The following HERC6 variants were observed in gnomAD, a reference collection of about 807,000 sequenced individuals.
HERC6 encodes the protein HECT and RLD domain containing E3 ubiquitin protein ligase family member 6.
Under a neutral mutation model 114.5 loss-of-function variants are expected in HERC6, and 101 were observed. The ratio of observed to expected loss-of-function variants is 0.88; its 90% CI spans 0.75 to 1.04. HERC6 has a LOEUF of 1.04. HERC6 is among the 50% of genes least tolerant of loss of function. HERC6 has a pLI of 0.00. For synonymous variants in HERC6, 408 were observed against 436.2 expected (o/e 0.94, Z 0.81); for missense variants, 1,133 against 1,230.9 (o/e 0.92, Z 1.19).
chr4:88,381,720 G>A (rs1734334783), intron 1 of HERC6, among the ~76,000 whole-genome samples: 1 of 151,952 alleles, frequency 6.6e-6, no homozygotes, highest in Admixed American at 6.6e-5. Flanking sequence ...ACCATGCCCA[G>A]CTAATTTTTA....
chr4:88,437,071 TA>T, intron 19 of HERC6, 100 bp downstream of exon 19: 5 of 820,822 alleles, frequency 6.1e-6, no homozygotes, highest in East Asian at 3.0e-5. Flanking sequence ...TTTTTTTTTT[TA>T]TTGAGGCAGA....
intron 13 of HERC6, among the ~76,000 whole-genome samples, 179 bp downstream of exon 13, chr4:88,417,758 A>G (rs1736631687): frequency 6.6e-6 from 1 of 152,152 alleles, no homozygotes. Context: ...AAGTTGAGAA[A>G]CTTTAGGAGG....
chr4:88,432,944 C>T (rs1037905106), intron 17 of HERC6, among the ~76,000 whole-genome samples: 13 of 151,496 alleles, frequency 8.6e-5, no homozygotes, highest in African/African-American at 2.4e-4. Context: ...AAAAATTAGC[C>T]GGGTGTGGTG....
At chr4:88,379,829 AAT>A (rs1382738043) in intron 1 of HERC6, among the ~76,000 whole-genome samples, 2 of 76,830 alleles carry the variant, frequency 2.6e-5, no homozygotes, top group Non-Finnish European at 4.5e-5. Flanking sequence ...ATAACATATA[AAT>A]ATATATAATA....
At chr4:88,387,226 G>C (rs1400770392) in intron 3 of HERC6, among the ~76,000 whole-genome samples, 2 of 152,126 alleles carry the variant, frequency 1.3e-5, no homozygotes, top group Non-Finnish European at 2.9e-5. Context: ...GTGAGATCCT[G>C]TCTCTACAAA....
chr4:88,404,748 C>A, intron 8 of HERC6, 128 bp from the exon 9 acceptor site: 1 of 1,207,860 alleles, frequency 8.3e-7, no homozygotes, highest in East Asian at 2.7e-5. Flanking sequence ...CGCCAAAGCT[C>A]CTCCCACCAA....
chr4:88,384,678 A>G (rs1734484721), intron 2 of HERC6, among the ~76,000 whole-genome samples: 1 of 152,184 alleles, frequency 6.6e-6, no homozygotes. Context: ...GTTCTACAGC[A>G]TCATAACTAT....
chr4:88,437,060 C>G (rs370590057), intron 19 of HERC6, 89 bp downstream of exon 19: 228 of 758,144 alleles, frequency 3.0e-4, no homozygotes, highest in Admixed American at 5.2e-4. Context: ...TTTGGGATCC[C>G]TTTTTTTTTT....
At position 88,431,197 on chromosome 4, in the gene HERC6, A is replaced by T. The variant is rs1374011558; in HGVS notation, c.2142A>T (p.Gly714=). Residue 714 remains glycine (G), a synonymous_variant, in exon 17 of 23, where the codon GGA becomes GGT. Coordinates refer to ENST00000264346, the MANE Select transcript of HERC6 (RefSeq NM_017912.4). ...TTAATGAAATTTGTCCTGAGTCTGG[A>T]GGGGTTAGTTCAGAGTTCTTCCACT... is the stretch of plus-strand genomic sequence containing the variant. ...EFINEICPES[G]GVSSEFFHCM... 6.2e-7 allele frequency: 1 copy of T among 1,612,832 alleles called. No individual in the cohort carries two copies.
chr4:88,398,210 G>T lies in HERC6; in HGVS notation c.1092+1G>T. 3 of 1,567,292 alleles carry T rather than the reference G, an allele frequency of 1.9e-6. No individual in the cohort carries two copies. Among genetic ancestry groups the T allele is most frequent in the South Asian group, 1.2e-5 (1 of 83,142 alleles). ...TGCCAACTTTGTGACAACTCATCAG[G>T]TATCTATTATACTTTTTGTTCCTCT... On this transcript the variant is annotated splice_donor_variant, in intron 8 of 22. Transcript: ENST00000264346. LOFTEE classifies it high-confidence loss of function.
chr4:88,428,536 A>C, intron 15 of HERC6, 44 bp from the exon 16 acceptor site: 1 of 1,457,594 alleles, frequency 6.9e-7, no homozygotes, highest in Non-Finnish European at 9.2e-7. Flanking sequence ...TGGGATTCCT[A>C]TGAGGTCAAA....
In HERC6 at chr4:88,408,592, C is replaced by T; in HGVS notation, c.1343C>T (p.Thr448Ile). Reference protein sequence around the residue: ...EMARDTFKKLTKKEWISSMIT... With the variant: ...EMARDTFKKLIKKEWISSMIT... ...GCAAGAGATACCTTCAAGAAGTTAA[C>T]AAAAAAGGAATGGATTTCTTCCATG... Residue 448 changes from threonine (T) to isoleucine (I), a missense_variant, in exon 11 of 23, where the codon ACA (threonine) becomes ATA (isoleucine). Around this residue, in one of 3 missense-constraint regions of HERC6, gnomAD observed 735 missense variants for 754.0 expected, o/e 0.97. Coordinates refer to ENST00000264346, the MANE Select transcript of HERC6 (RefSeq NM_017912.4). 1 of 1,588,308 alleles carries T rather than the reference C, an allele frequency of 6.3e-7. No homozygotes were observed. The highest frequency in any genetic ancestry group is 8.6e-7 in the Non-Finnish European group (1 of 1,165,846).
rs776488346 is a variant in HERC6, at chr4:88,395,986, A to T, written c.760-29A>T. On this transcript the variant is annotated intron_variant, in intron 5 of 22. Transcript: ENST00000264346. ...TTTTAGTTACCTTGTTAAACCTGAA[A>T]TTAATTTGATTCTTCCTTTGCTAAG... is the stretch of plus-strand genomic sequence containing the variant. 1.5e-5 allele frequency: 24 copies of T among 1,552,768 alleles called. 1 individual carries two copies. In the Admixed American group the frequency reaches 4.5e-4, roughly 29 times the overall value.
chr4:88,390,918 T>C (rs1265114123), intron 4 of HERC6, 39 bp downstream of exon 4: 9 of 1,531,194 alleles, frequency 5.9e-6, no homozygotes, highest in East Asian at 2.3e-5. Context: ...AATCATTCTT[T>C]CTTTCCAGGT....
chr4:88,382,042 A>G (rs1734352871), intron 1 of HERC6, among the ~76,000 whole-genome samples: 1 of 152,162 alleles, frequency 6.6e-6, no homozygotes, highest in Admixed American at 6.5e-5. Context: ...GAAGGGCAAC[A>G]TGATACTTAA....
intron 15 of HERC6, among the ~76,000 whole-genome samples, chr4:88,426,341 T>C (rs964090706): frequency 2.6e-5 from 4 of 152,112 alleles, no homozygotes; most frequent in Non-Finnish European, 5.9e-5. Flanking sequence ...GCTAATTTTG[T>C]ATTTTTAGTA....
chr4:88,395,994 G>T, intron 5 of HERC6, 21 bp from the exon 6 acceptor site: 2 of 1,557,298 alleles, frequency 1.3e-6, no homozygotes, highest in South Asian at 2.4e-5. Context: ...AAATTAATTT[G>T]ATTCTTCCTT....
chr4:88,388,549 CA>C (rs76168315), intron 3 of HERC6, among the ~76,000 whole-genome samples: 8,981 of 92,198 alleles, frequency 0.097, 591 homozygotes, highest in African/African-American at 0.26. Context: ...AGACTCGTCT[CA>C]AAAAAAAAAA....
intron 3 of HERC6, among the ~76,000 whole-genome samples, chr4:88,388,161 G>A (rs917793558): frequency 1.6e-4 from 25 of 151,932 alleles, no homozygotes; most frequent in Admixed American, 1.4e-3. Flanking sequence ...GGCTGGGTGC[G>A]GTGGCTCACG....
Sources: gnomAD v4.1 joint callset for allele counts (sites outside exome capture counted in the v4.1 genomes callset) on GRCh38, gnomAD v4.1.1 for gene constraint, gnomAD v4.1.1 regional missense constraint, MANE v1.5 for transcripts, NCBI Gene and HGNC (gene_info 2026-07-23, HGNC 2026-07-21) for gene names.